Variants in FHIT observed in about 807,000 individuals in gnomAD.
FHIT encodes the protein fragile histidine triad diadenosine triphosphatase.
A neutral mutation model predicts 17.9 loss-of-function variants in FHIT; 19 were observed. The observed-to-expected ratio is 1.06, with a 90% CI of 0.74 to 1.56. The LOEUF (loss-of-function observed/expected upper bound fraction) is 1.56, where lower values mean the gene tolerates loss of function less well. Ranked by LOEUF, FHIT falls within the 40% of genes most tolerant of loss-of-function variation. The pLI is 0.00. For synonymous variants in FHIT, 81 were observed against 69.7 expected, an observed-to-expected ratio of 1.16 and a Z score of -0.81; for missense variants, 248 against 189.2, an observed-to-expected ratio of 1.31 and a Z score of -1.82.
intron 5 of FHIT, among the ~76,000 whole-genome samples, chr3:60,264,037 G>A (rs1706443224): frequency 6.6e-6 from 1 of 151,792 alleles, no homozygotes; most frequent in Non-Finnish European, 1.5e-5. Context: ...TCCTGAGGTG[G>A]TTAGCTAAGG....
chr3:60,468,063 T>G (rs1289652740), intron 5 of FHIT, among the ~76,000 whole-genome samples: 1 of 152,166 alleles, frequency 6.6e-6, no homozygotes, highest in Non-Finnish European at 1.5e-5. Context: ...TCTCTTACCA[T>G]AGTTTTTGTC....
At chr3:61,203,230 T>A (rs1271639280) in intron 1 of FHIT, among the ~76,000 whole-genome samples, 2 of 143,142 alleles carry the variant, frequency 1.4e-5, no homozygotes, top group Non-Finnish European at 1.5e-5. Flanking sequence ...GCACCTGTAA[T>A]CCCAGCTACT....
chr3:60,884,910 C>CAAAAA (rs71092651), intron 3 of FHIT, among the ~76,000 whole-genome samples: 1 of 110,286 alleles, frequency 9.1e-6, no homozygotes, highest in Non-Finnish European at 1.9e-5. Context: ...GACCCTTTCT[C>CAAAAA]AAAAAAAAAA....
chr3:61,009,024 T>A (rs556668526), intron 3 of FHIT, among the ~76,000 whole-genome samples: 1 of 152,118 alleles, frequency 6.6e-6, no homozygotes, highest in Admixed American at 6.6e-5. Context: ...ATCCTGAAAC[T>A]CCCAAGAAAC....
chr3:60,812,817 C>T (rs1575556134), intron 4 of FHIT, among the ~76,000 whole-genome samples: 1 of 152,098 alleles, frequency 6.6e-6, no homozygotes, highest in Admixed American at 6.5e-5. Flanking sequence ...TGGAAACAGA[C>T]AGATTCAGAT....
At chr3:61,235,703 A>AT (rs1183258991) in intron 1 of FHIT, among the ~76,000 whole-genome samples, 1 of 151,260 alleles carries the variant, frequency 6.6e-6, no homozygotes, top group Non-Finnish European at 1.5e-5. Context: ...CTCTGTCTCA[A>AT]AAAAAAAAGA....
chr3:59,749,345 CG>C lies in FHIT; in HGVS notation c.*239del, dbSNP rs1559566206. Reference sequence around the variant, plus strand: ...GAAGGAAGTTTAATCATAAGGCTGCCGAATAAGGAGACAGGGGGAAACCTCA... The same window carrying C: ...GAAGGAAGTTTAATCATAAGGCTGCCAATAAGGAGACAGGGGGAAACCTCA... On this transcript the variant is annotated 3_prime_UTR_variant, in exon 10 of 10. Transcript: ENST00000492590. 2 of 230,746 alleles carry C rather than the reference CG, an allele frequency of 8.7e-6. No individual in the cohort carries two copies. The highest frequency in any genetic ancestry group is 1.7e-5 in the Non-Finnish European group (2 of 116,926). The allele number at this position is 230,746 out of a possible 1,614,324, so 14.3% of individuals were successfully genotyped here. A position where few individuals can be genotyped will look rare whatever the true frequency, so the allele number is the denominator to read the frequency against.
chr3:60,694,938 G>C (rs2041081069), intron 4 of FHIT, among the ~76,000 whole-genome samples: 1 of 152,072 alleles, frequency 6.6e-6, no homozygotes, highest in Non-Finnish European at 1.5e-5. Flanking sequence ...GGGAGGGATA[G>C]CATTAGGAGA....
At chr3:59,850,822 C>A (rs1005039320) in intron 8 of FHIT, among the ~76,000 whole-genome samples, 11 of 152,102 alleles carry the variant, frequency 7.2e-5, no homozygotes, top group Admixed American at 7.2e-4. Context: ...GTTGGTAAGG[C>A]AACAAAAAGA....
chr3:60,227,353 C>T (rs1185343348), intron 5 of FHIT, among the ~76,000 whole-genome samples: 3 of 152,194 alleles, frequency 2.0e-5, no homozygotes, highest in Non-Finnish European at 4.4e-5. Context: ...GTGGGATTCC[C>T]GAAGGACCAC....
chr3:61,062,910 G>A (rs2106704526), intron 2 of FHIT, among the ~76,000 whole-genome samples: 1 of 152,258 alleles, frequency 6.6e-6, no homozygotes, highest in African/African-American at 2.4e-5. Flanking sequence ...GCTGTGCTAC[G>A]CATTCCAAAT....
At chr3:61,220,966 A>G (rs2039820170) in intron 1 of FHIT, among the ~76,000 whole-genome samples, 2 of 152,254 alleles carry the variant, frequency 1.3e-5, no homozygotes, top group Admixed American at 1.3e-4. Flanking sequence ...TGCATCAGAA[A>G]AATAAATTTA....
intron 4 of FHIT, among the ~76,000 whole-genome samples, chr3:60,637,633 A>G (rs17063700): frequency 0.22 from 33,292 of 152,156 alleles, 3,994 homozygotes; most frequent in Admixed American, 0.28. Context: ...TTATGCTTAG[A>G]TTATTTCAAT....
chr3:59,802,949 C>T (rs1217561645), intron 8 of FHIT, among the ~76,000 whole-genome samples: 3 of 152,068 alleles, frequency 2.0e-5, no homozygotes, highest in Non-Finnish European at 4.4e-5. Flanking sequence ...TGTAGTGATA[C>T]GGGTATACAT....
At chr3:61,060,090 G>A (rs2034372720) in intron 2 of FHIT, among the ~76,000 whole-genome samples, 1 of 152,098 alleles carries the variant, frequency 6.6e-6, no homozygotes, top group Admixed American at 6.5e-5. Context: ...GGGACATGCT[G>A]CAGCCATCCG....
intron 5 of FHIT, among the ~76,000 whole-genome samples, chr3:60,287,213 G>C (rs1707766843): frequency 6.6e-6 from 1 of 152,058 alleles, no homozygotes; most frequent in Non-Finnish European, 1.5e-5. Context: ...CTGTCACCCA[G>C]GCTGGAGTGC....
intron 5 of FHIT, among the ~76,000 whole-genome samples, chr3:60,213,241 CA>C (rs1703539130): frequency 6.6e-6 from 1 of 152,170 alleles, no homozygotes. Flanking sequence ...TCTCTCCCCC[CA>C]TCTGCTTCTT....
intron 4 of FHIT, among the ~76,000 whole-genome samples, chr3:60,678,355 T>C (rs2040669581): frequency 6.6e-6 from 1 of 152,198 alleles, no homozygotes; most frequent in African/African-American, 2.4e-5. Context: ...AAAACTTTTT[T>C]CTGCTTAAAT....
intron 3 of FHIT, among the ~76,000 whole-genome samples, chr3:60,863,802 T>A (rs782000982): frequency 1.3e-5 from 2 of 152,136 alleles, no homozygotes; most frequent in African/African-American, 2.4e-5. Flanking sequence ...AACATCATCA[T>A]TATAAAACTA....
Sources: allele counts gnomAD v4.1 joint callset (sites outside exome capture counted in the v4.1 genomes callset), GRCh38; gene constraint gnomAD v4.1.1; transcripts MANE v1.5; gene names NCBI Gene and HGNC (gene_info 2026-07-23, HGNC 2026-07-21).